The following SLC38A9 variants were observed in gnomAD, a reference collection of about 807,000 sequenced individuals.
SLC38A9 encodes solute carrier family 38 member 9, also known as neutral amino acid transporter 9.
In SLC38A9, 48 loss-of-function variants were observed where a neutral mutation model predicts 62.3. The ratio of observed to expected loss-of-function variants is 0.77; its 90% CI spans 0.61 to 0.98. The LOEUF (loss-of-function observed/expected upper bound fraction) is 0.98, where lower values mean the gene tolerates loss of function less well. SLC38A9 is among the 50% of genes least tolerant of loss of function. The pLI, the probability that SLC38A9 is intolerant of heterozygous loss-of-function variation, is 0.00. For synonymous variants in SLC38A9, 204 were observed against 227.7 expected, an observed-to-expected ratio of 0.90 and a Z score of 0.94; for missense variants, 541 against 679.8, an observed-to-expected ratio of 0.80 and a Z score of 2.27.
chr5:55,697,100 T>C (rs1170330698), intron 3 of SLC38A9: 2 of 149,378 alleles, frequency 1.3e-5, no homozygotes, highest in African/African-American at 5.0e-5. Context: ...GCAGAGGGGC[T>C]CCTCACATCC....
At chr5:55,705,796 C>T (rs1047842220) in intron 2 of SLC38A9, among the ~76,000 whole-genome samples, 129 of 151,950 alleles carry the variant, frequency 8.5e-4, no homozygotes, top group South Asian at 2.3e-3. Context: ...CAACCTCCGC[C>T]TCCCCATTTC....
At position 55,626,602 on chromosome 5, in the gene SLC38A9, A is replaced by G. The variant is rs1453386218; in HGVS notation, c.1578T>C (p.Tyr526=). 1.9e-6 allele frequency: 3 copies of G among 1,613,904 alleles called. No homozygotes were observed. The highest frequency in any genetic ancestry group is 2.5e-6 in the Non-Finnish European group (3 of 1,179,928). The change falls in exon 16 of 16, where the codon TAT becomes TAC. Residue 526 remains tyrosine (Y), a synonymous_variant. Coordinates refer to ENST00000396865, the MANE Select transcript of SLC38A9 (RefSeq NM_173514.4). ...AFVFIYPSLI[Y]IISLHQEERL... is the part of the protein sequence containing the mutation. Reference sequence around the variant, plus strand: ...GCTCTTCTTGGTGGAGGGAAATTATATAGATGAGAGATGGGTATATGAATA... The same window carrying G: ...GCTCTTCTTGGTGGAGGGAAATTATGTAGATGAGAGATGGGTATATGAATA...
At position 55,697,939 on chromosome 5, in the gene SLC38A9, T is replaced by A. The variant is rs769301434; in HGVS notation, c.20A>T (p.Asp7Val). The A allele has an allele frequency of 6.3e-7, 1 of 1,597,914 alleles. No homozygotes were observed. The highest frequency in any genetic ancestry group is 1.1e-5 in the South Asian group (1 of 87,348). ...CTCAGAGGTGCCAAGATGCCTAGAA[T>A]CACTATTCATATTTGCCATTTTTCT... MANMNS[D>V]SRHLGTSEVD... The change falls in exon 3 of 16, where the codon GAT becomes GTT. Residue 7 changes from aspartate (D) to valine (V), a missense_variant. By Grantham distance (152) the Asp-to-Val change is radical. Coordinates refer to ENST00000396865, the MANE Select transcript of SLC38A9 (RefSeq NM_173514.4).
At chr5:55,707,725 C>T (rs1337866389) in intron 2 of SLC38A9, among the ~76,000 whole-genome samples, 1 of 152,082 alleles carries the variant, frequency 6.6e-6, no homozygotes, top group Non-Finnish European at 1.5e-5. Flanking sequence ...ATAAGGAGTC[C>T]AGCTATGATT....
At chr5:55,673,857 G>A (rs1440038406) in intron 3 of SLC38A9, among the ~76,000 whole-genome samples, 2 of 151,972 alleles carry the variant, frequency 1.3e-5, no homozygotes, top group African/African-American at 4.8e-5. Flanking sequence ...GACTACAGGT[G>A]TGCACCACCA....
chr5:55,702,734 C>T (rs182506709), intron 2 of SLC38A9: 10 of 152,016 alleles, frequency 6.6e-5, no homozygotes, highest in African/African-American at 2.4e-4. Flanking sequence ...ATGATGTCAA[C>T]CTACCACTGA....
intron 13 of SLC38A9, chr5:55,634,968 GTC>G (rs541262114): frequency 1.8e-4 from 26 of 146,272 alleles, no homozygotes; most frequent in Admixed American, 4.1e-4. Context: ...CTTTTACTCT[GTC>G]TCTCTTTTTT....
intron 4 of SLC38A9, among the ~76,000 whole-genome samples, chr5:55,670,260 G>T (rs768734528): frequency 1.3e-5 from 2 of 152,136 alleles, no homozygotes; most frequent in Admixed American, 6.6e-5. Flanking sequence ...AAGCCACCAC[G>T]CCTGGCCCTC....
chr5:55,654,032 A>AC (rs1580184275), intron 9 of SLC38A9, among the ~76,000 whole-genome samples: 1 of 92,834 alleles, frequency 1.1e-5, no homozygotes, highest in East Asian at 2.6e-4. Flanking sequence ...AGCCATTCTC[A>AC]TTGTTTCTAA....
In SLC38A9 at chr5:55,627,859, T is replaced by C. The variant is rs1742733217; in HGVS notation, c.1520+32A>G. On this transcript the variant is annotated intron_variant, in intron 15 of 15. Transcript: ENST00000396865. ...AAGCCTGAAAATAAAGACCAATATA[T>C]GTAAGGGCACCATTCCCTTACAAGG... The C allele has an allele frequency of 3.0e-6, 4 of 1,351,626 alleles. No homozygotes were observed. In the East Asian group the frequency reaches 6.9e-5, roughly 23 times the overall value. The allele number at this position is 1,351,626 out of a possible 1,614,324, so 83.7% of individuals were successfully genotyped here. A position where few individuals can be genotyped will look rare whatever the true frequency, so the allele number is the denominator to read the frequency against.
chr5:55,680,240 T>C (rs1012516051), intron 3 of SLC38A9, among the ~76,000 whole-genome samples: 1 of 129,442 alleles, frequency 7.7e-6, no homozygotes, highest in African/African-American at 2.8e-5. Flanking sequence ...GAGAGAGAGA[T>C]ACATTTTATT....
chr5:55,657,422 C>T (rs1193640411), intron 8 of SLC38A9, among the ~76,000 whole-genome samples: 1 of 151,662 alleles, frequency 6.6e-6, no homozygotes, highest in African/African-American at 2.4e-5. Flanking sequence ...ACACAGAGTA[C>T]AGTTCTAAAG....
At chr5:55,649,159 T>C in intron 11 of SLC38A9, 48 bp downstream of exon 11, 1 of 1,036,604 alleles carries the variant, frequency 9.6e-7, no homozygotes, top group Non-Finnish European at 1.4e-6. Context: ...CATATGACAA[T>C]GGTTAAGATC....
At chr5:55,657,325 A>G (rs1748633397) in intron 8 of SLC38A9, among the ~76,000 whole-genome samples, 1 of 152,184 alleles carries the variant, frequency 6.6e-6, no homozygotes, top group South Asian at 2.1e-4. Flanking sequence ...AAATCTATCC[A>G]CAACACTGAA....
Position 55,669,975 on chromosome 5 carries a change from T to C in SLC38A9, c.247-96A>G, listed in dbSNP as rs527355335. On this transcript the variant is annotated intron_variant, in intron 4 of 15. Transcript: ENST00000396865. ...AACACCTGACTCTAGACACCTTTTTTTTTCTTTTGAACGGAGTCTCGCCCT... is the reference window on the plus strand; with the variant it reads ...AACACCTGACTCTAGACACCTTTTTCTTTCTTTTGAACGGAGTCTCGCCCT... 2.0e-4 allele frequency: 248 copies of C among 1,228,072 alleles called. 2 individuals carry two copies. In the South Asian group the frequency reaches 4.0e-3, roughly 20 times the overall value. The allele number at this position is 1,228,072 out of a possible 1,614,324, so 76.1% of individuals were successfully genotyped here. A position where few individuals can be genotyped will look rare whatever the true frequency, so the allele number is the denominator to read the frequency against.
intron 2 of SLC38A9, among the ~76,000 whole-genome samples, chr5:55,700,953 C>T (rs1756566384): frequency 6.6e-6 from 1 of 152,134 alleles, no homozygotes; most frequent in Non-Finnish European, 1.5e-5. Context: ...TTGACCTACC[C>T]TTGATCTCTT....
intron 13 of SLC38A9, chr5:55,635,180 GT>G (rs1744139076): frequency 9.3e-6 from 2 of 214,988 alleles, no homozygotes; most frequent in Non-Finnish European, 9.4e-6. Context: ...TTCCTTCAAT[GT>G]ATTCTCTGTG....
In SLC38A9 at chr5:55,635,594, C is replaced by T. The variant is rs754475264; in HGVS notation, c.1231G>A (p.Val411Ile). The T allele has an allele frequency of 5.6e-6, 9 of 1,613,844 alleles. No homozygotes were observed. Among genetic ancestry groups the T allele is most frequent in the Non-Finnish European group, 7.6e-6 (9 of 1,179,842 alleles). The change falls in exon 13 of 16, where the codon GTT becomes ATT. Residue 411 changes from valine (V) to isoleucine (I), a missense_variant. Physicochemically the swap from Val to Ile is conservative, Grantham distance 29. Coordinates refer to ENST00000396865, the MANE Select transcript of SLC38A9 (RefSeq NM_173514.4). ...GGTGGTGAAGGAAATGAAGCAAAAA[C>T]CAGGACTCCAATATAGAGATAAGTT... ...TLTYLYIGVL[V>I]FASFPSPPLS...
At position 55,659,304 on chromosome 5, in the gene SLC38A9, C is replaced by T. The variant is rs573964454; in HGVS notation, c.698-2530G>A. On this transcript the variant is annotated intron_variant, in intron 8 of 15. Coordinates refer to ENST00000396865, the MANE Select transcript of SLC38A9 (RefSeq NM_173514.4). ...ACATTTATACGTATATGTCTGTGTA[C>T]GTATATATAATTACATACGTATATA... Among the ~76,000 whole-genome samples, 39 of 145,938 alleles carry T rather than the reference C, an allele frequency of 2.7e-4. No individual in the cohort carries two copies. The South Asian group carries it at 6.4e-3, about 24-fold the overall frequency.
Sources: gnomAD v4.1 joint callset for allele counts (sites outside exome capture counted in the v4.1 genomes callset) on GRCh38, gnomAD v4.1.1 for gene constraint, MANE v1.5 for transcripts, NCBI Gene and HGNC (gene_info 2026-07-23, HGNC 2026-07-21) for gene names.